WDR70: variants seen among roughly 807,000 people sequenced by gnomAD.
WDR70 encodes WD repeat-containing protein 70.
Under a neutral mutation model 88.6 loss-of-function variants are expected in WDR70, and 53 were observed. The ratio of observed to expected loss-of-function variants is 0.60; its 90% confidence interval spans 0.48 to 0.75. The LOEUF (loss-of-function observed/expected upper bound fraction) is 0.75, where lower values mean the gene tolerates loss of function less well. Among genes scored for constraint, WDR70 ranks in the 30% least tolerant of loss-of-function variants. The probability of loss-of-function intolerance (pLI) is 0.00; values close to 1 mark genes in which losing one functional copy is unlikely to be tolerated. For missense variants in WDR70, 610 were observed against 823.2 expected, an observed-to-expected ratio of 0.74 and a Z score of 3.17; for synonymous variants, 280 against 270.0, an observed-to-expected ratio of 1.04 and a Z score of -0.36.
At chr5:37,724,802 C>T in intron 15 of WDR70, 132 bp from the exon 16 acceptor site, 1 of 925,426 alleles carries the variant, frequency 1.1e-6, no homozygotes, top group South Asian at 1.5e-5. Context: ...TACAGTAAGA[C>T]TGTCTTTTAT....
intron 10 of WDR70, among the ~76,000 whole-genome samples, chr5:37,649,662 GA>G (rs1745337312): frequency 1.4e-5 from 2 of 148,060 alleles, no homozygotes; most frequent in Non-Finnish European, 1.5e-5. Flanking sequence ...TCATAAGCAT[GA>G]AAAGTTATAG....
intron 9 of WDR70, among the ~76,000 whole-genome samples, chr5:37,602,067 C>CG (rs1581427229): frequency 2.4e-5 from 1 of 41,800 alleles, no homozygotes; most frequent in Admixed American, 3.2e-4. Flanking sequence ...TGGGGCCTGT[C>CG]GGGGGGTGGG....
chr5:37,389,731 A>G (rs949969474), intron 3 of WDR70, among the ~76,000 whole-genome samples: 2 of 152,060 alleles, frequency 1.3e-5, no homozygotes, highest in African/African-American at 4.8e-5. Flanking sequence ...TTAAATCTGG[A>G]CACTGCTTTT....
At chr5:37,427,358 C>A (rs553989633) in intron 5 of WDR70, among the ~76,000 whole-genome samples, 18 of 151,250 alleles carry the variant, frequency 1.2e-4, no homozygotes, top group African/African-American at 3.4e-4. Context: ...CACTGCAGTC[C>A]GGCCTGGGCG....
At chr5:37,628,984 TG>T (rs1744741412) in intron 10 of WDR70, among the ~76,000 whole-genome samples, 1 of 152,202 alleles carries the variant, frequency 6.6e-6, no homozygotes, top group Admixed American at 6.5e-5. Flanking sequence ...CTTTAGTTTT[TG>T]CTTCTCTATT....
intron 17 of WDR70, among the ~76,000 whole-genome samples, chr5:37,745,745 T>G (rs1748619044): frequency 6.6e-6 from 1 of 152,152 alleles, no homozygotes. Context: ...TGAATATATA[T>G]GTATCCAATA....
intron 7 of WDR70, among the ~76,000 whole-genome samples, chr5:37,457,191 G>A (rs1738869052): frequency 6.6e-6 from 1 of 152,134 alleles, no homozygotes; most frequent in Non-Finnish European, 1.5e-5. Flanking sequence ...CACCTCCTGG[G>A]TTCAAGCAAT....
intron 17 of WDR70, among the ~76,000 whole-genome samples, chr5:37,749,364 G>A (rs902075668): frequency 7.2e-5 from 11 of 152,056 alleles, no homozygotes; most frequent in African/African-American, 2.2e-4. Context: ...AAAACCAAAC[G>A]CCTCATGTTC....
At chr5:37,696,039 C>T (rs1746970827) in intron 10 of WDR70, among the ~76,000 whole-genome samples, 1 of 152,176 alleles carries the variant, frequency 6.6e-6, no homozygotes, top group Admixed American at 6.5e-5. Context: ...TCACGTATTA[C>T]TCTGTATTTC....
intron 6 of WDR70, among the ~76,000 whole-genome samples, chr5:37,440,812 G>T (rs917618799): frequency 2.0e-5 from 3 of 152,156 alleles, no homozygotes; most frequent in African/African-American, 7.2e-5. Context: ...CTTCTTAGGA[G>T]AACAGTCAAG....
intron 5 of WDR70, among the ~76,000 whole-genome samples, chr5:37,424,189 TTATC>T (rs1750048702): frequency 7.0e-6 from 1 of 142,166 alleles, no homozygotes; most frequent in Non-Finnish European, 1.5e-5. Context: ...CAAAAAAAAA[TTATC>T]TATTTATAAA....
At chr5:37,621,196 C>G (rs78505728) in intron 10 of WDR70, among the ~76,000 whole-genome samples, 2 of 152,052 alleles carry the variant, frequency 1.3e-5, no homozygotes, top group African/African-American at 2.4e-5. Context: ...GTCTGTTTCC[C>G]AAAATTCACT....
intron 10 of WDR70, among the ~76,000 whole-genome samples, chr5:37,690,829 A>G (rs1413385372): frequency 6.6e-6 from 1 of 152,256 alleles, no homozygotes; most frequent in African/African-American, 2.4e-5. Flanking sequence ...AGCTAACATC[A>G]TAATGACAGG....
intron 10 of WDR70, among the ~76,000 whole-genome samples, chr5:37,634,333 C>A (rs1744901410): frequency 6.7e-6 from 1 of 149,874 alleles, no homozygotes; most frequent in South Asian, 2.1e-4. Context: ...AAAAAAAAAA[C>A]CTAGTGCATA....
chr5:37,722,980 T>C, intron 15 of WDR70, 46 bp downstream of exon 15: 1 of 1,603,726 alleles, frequency 6.2e-7, no homozygotes, highest in East Asian at 2.2e-5. Flanking sequence ...TCTTCTACTC[T>C]CATGTGGTTT....
intron 12 of WDR70, among the ~76,000 whole-genome samples, chr5:37,702,199 G>C (rs1747183217): frequency 6.6e-6 from 1 of 152,170 alleles, no homozygotes; most frequent in South Asian, 2.1e-4. Flanking sequence ...GGCATTTTAT[G>C]TTAAAACGAA....
At chr5:37,680,577 A>C (rs1240591581) in intron 10 of WDR70, among the ~76,000 whole-genome samples, 1 of 152,122 alleles carries the variant, frequency 6.6e-6, no homozygotes, top group South Asian at 2.1e-4. Context: ...ATTTTTGTAC[A>C]TGGTGTAAGG....
intron 11 of WDR70, chr5:37,697,973 G>C (rs531567430): frequency 1.2e-5 from 5 of 413,366 alleles, no homozygotes; most frequent in Non-Finnish European, 2.2e-5. Context: ...CTTTTTTTTG[G>C]CCTAAGTTTT....
chr5:37,445,857 G>A (rs1313030833), intron 7 of WDR70, among the ~76,000 whole-genome samples: 5 of 152,186 alleles, frequency 3.3e-5, no homozygotes, highest in African/African-American at 9.6e-5. Context: ...ATAACTGGAA[G>A]CATTCCCTTT....
Sources: allele counts gnomAD v4.1 joint callset (sites outside exome capture counted in the v4.1 genomes callset), GRCh38; gene constraint gnomAD v4.1.1; transcripts MANE v1.5; gene names NCBI Gene and HGNC (gene_info 2026-07-23, HGNC 2026-07-21).